The following HSF5 variants were observed in gnomAD, a reference collection of about 807,000 sequenced individuals.
HSF5 encodes the protein heat shock factor protein 5.
Under a neutral mutation model 50.8 loss-of-function variants are expected in HSF5, and 5 were observed. The ratio of observed to expected loss-of-function variants is 0.10; its 90% CI spans 0.05 to 0.21. The LOEUF (loss-of-function observed/expected upper bound fraction) is 0.21, where lower values mean the gene tolerates loss of function less well. Among genes scored for constraint, HSF5 ranks in the 10% least tolerant of loss-of-function variants. The pLI, the probability that HSF5 is intolerant of heterozygous loss-of-function variation, is 1.00. For synonymous variants in HSF5, 307 were observed against 307.4 expected (o/e 1.00, Z 0.02); for missense variants, 564 against 762.6 (o/e 0.74, Z 3.07).
intron 5 of HSF5, among the ~76,000 whole-genome samples, chr17:58,442,726 C>T (rs1310203227): frequency 6.6e-6 from 1 of 151,846 alleles, no homozygotes; most frequent in Non-Finnish European, 1.5e-5. Flanking sequence ...CTTAGTTAGT[C>T]CTTTAATTCT....
intron 4 of HSF5, among the ~76,000 whole-genome samples, chr17:58,460,470 CAT>C (rs746363535): frequency 0.05 from 6,934 of 139,452 alleles, 306 homozygotes; most frequent in African/African-American, 0.11. Flanking sequence ...GCTTTATATA[CAT>C]ATATATACAC....
At chr17:58,478,029 T>G (rs1975040935) in intron 2 of HSF5, among the ~76,000 whole-genome samples, 2 of 152,024 alleles carry the variant, frequency 1.3e-5, no homozygotes, top group South Asian at 4.1e-4. Flanking sequence ...TCTGGTCTTT[T>G]CTGAAAGCTT....
At chr17:58,445,022 AT>A (rs767974387) in intron 5 of HSF5, among the ~76,000 whole-genome samples, 3 of 152,212 alleles carry the variant, frequency 2.0e-5, no homozygotes, top group Non-Finnish European at 4.4e-5. Context: ...GTAAAAAAAA[AT>A]CAAACCTATA....
intron 5 of HSF5, among the ~76,000 whole-genome samples, chr17:58,446,330 G>C (rs1360845893): frequency 1.3e-5 from 2 of 152,058 alleles, no homozygotes; most frequent in Non-Finnish European, 1.5e-5. Flanking sequence ...ACATTGAAGA[G>C]GGTAGAAAGG....
chr17:58,451,948 T>A (rs1465067866), intron 5 of HSF5, among the ~76,000 whole-genome samples: 13 of 131,798 alleles, frequency 9.9e-5, no homozygotes, highest in South Asian at 2.5e-4. Flanking sequence ...AGTTAGACTT[T>A]AAAAAAAAAA....
At chr17:58,443,274 C>G (rs1418761266) in intron 5 of HSF5, among the ~76,000 whole-genome samples, 1 of 152,136 alleles carries the variant, frequency 6.6e-6, no homozygotes, top group Non-Finnish European at 1.5e-5. Flanking sequence ...TCCCAAAGTT[C>G]TGGGATTACA....
At chr17:58,472,169 T>A (rs1218014111) in intron 2 of HSF5, among the ~76,000 whole-genome samples, 1 of 152,012 alleles carries the variant, frequency 6.6e-6, no homozygotes, top group Non-Finnish European at 1.5e-5. Context: ...CTAGGACCAT[T>A]TAAAAAAAAC....
chr17:58,457,477 T>G (rs925502032), intron 5 of HSF5, among the ~76,000 whole-genome samples: 1 of 151,886 alleles, frequency 6.6e-6, no homozygotes, highest in Non-Finnish European at 1.5e-5. Context: ...CACGCACCTG[T>G]AGTCCCAGCT....
At chr17:58,465,624 C>A (rs1226530491) in intron 3 of HSF5, among the ~76,000 whole-genome samples, 5 of 143,872 alleles carry the variant, frequency 3.5e-5, no homozygotes, top group Non-Finnish European at 1.5e-5. Flanking sequence ...AGATTTTCTC[C>A]AAAAAAAAAA....
At chr17:58,470,446 GT>G (rs1208218786) in intron 2 of HSF5, among the ~76,000 whole-genome samples, 4 of 152,134 alleles carry the variant, frequency 2.6e-5, no homozygotes, top group African/African-American at 9.7e-5. Flanking sequence ...CTCATGTAAG[GT>G]TCCTAGAAAA....
intron 5 of HSF5, among the ~76,000 whole-genome samples, chr17:58,457,123 G>C (rs543027427): frequency 6.6e-6 from 1 of 152,082 alleles, no homozygotes; most frequent in South Asian, 2.1e-4. Context: ...AGCTAGTCGT[G>C]GTGGAGTGTG....
chr17:58,476,144 T>A, intron 2 of HSF5: 3 of 1,067,626 alleles, frequency 2.8e-6, no homozygotes, highest in Non-Finnish European at 4.1e-6. Context: ...ATCTTCTCCT[T>A]CATCCTTCTC....
chr17:58,448,605 A>C (rs907523275), intron 5 of HSF5, among the ~76,000 whole-genome samples: 2 of 152,192 alleles, frequency 1.3e-5, no homozygotes, highest in Non-Finnish European at 2.9e-5. Context: ...AGGAAAAAAA[A>C]ATTGCCAATC....
rs115217765 is a variant in HSF5, at chr17:58,458,919, G to A, written c.1569C>T (p.Thr523=). The A allele has an allele frequency of 7.4e-5, 119 of 1,610,306 alleles. No individual in the cohort carries two copies. The African/African-American group carries it at 1.4e-3, about 19-fold the overall frequency. ...HQVDANIKCQ[T]SSRENILPSE... The stretch of plus-strand genomic sequence containing the variant: ...ACGGCAAGATATTCTCACGTGAACT[G>A]GTCTGGCATTTTATGTTGGCATCCA... The change falls in exon 5 of 6, where the codon ACC becomes ACT. Residue 523 remains threonine, a synonymous_variant. Transcript: ENST00000323777.
At chr17:58,451,185 T>TGG in intron 5 of HSF5, among the ~76,000 whole-genome samples, 1 of 152,318 alleles carries the variant, frequency 6.6e-6, no homozygotes, top group Non-Finnish European at 1.5e-5. Context: ...CACCTAAATA[T>TGG]ATAATGCAAA....
At chr17:58,479,247 TA>T (rs796907542) in intron 2 of HSF5, among the ~76,000 whole-genome samples, 28 of 151,532 alleles carry the variant, frequency 1.8e-4, no homozygotes, top group African/African-American at 5.3e-4. Flanking sequence ...ATAAACATAT[TA>T]AAAAAAAACT....
chr17:58,428,441 C>T (rs576104239), intron 5 of HSF5, among the ~76,000 whole-genome samples: 3 of 152,190 alleles, frequency 2.0e-5, no homozygotes, highest in African/African-American at 7.2e-5. Flanking sequence ...GGGCAGATCA[C>T]GAGGTCAGGA....
chr17:58,487,986 G>T lies in HSF5; in HGVS notation c.289C>A (p.Pro97Thr). ...YGFRKVVLGG[P>T]GGGKPAGNGP... is the part of the protein sequence containing the mutation. Reference sequence around the variant, plus strand: ...TTGCCTGCCGGTTTGCCGCCCCCCGGCCCGCCCAGCACCACCTTGCGGAAG... The same window carrying T: ...TTGCCTGCCGGTTTGCCGCCCCCCGTCCCGCCCAGCACCACCTTGCGGAAG... The change falls in exon 1 of 6, where the codon CCG becomes ACG. Residue 97 changes from proline (P) to threonine (T), a missense_variant. Transcript: ENST00000323777. The T allele has an allele frequency of 6.2e-7, 1 of 1,610,676 alleles. No individual in the cohort carries two copies.
intron 5 of HSF5, among the ~76,000 whole-genome samples, chr17:58,433,288 C>T (rs1459012499): frequency 7.9e-5 from 12 of 152,080 alleles, no homozygotes; most frequent in South Asian, 4.1e-4. Context: ...TGAGCCACCA[C>T]GCCTGGCCAA....
Sources: allele counts gnomAD v4.1 joint callset (sites outside exome capture counted in the v4.1 genomes callset), GRCh38; gene constraint gnomAD v4.1.1; transcripts MANE v1.5; gene names NCBI Gene and HGNC (gene_info 2026-07-23, HGNC 2026-07-21).